Variants in MPZ observed in about 807,000 individuals in gnomAD.
MPZ encodes myelin protein zero.
Under a neutral mutation model 27.9 loss-of-function variants are expected in MPZ, and 13 were observed. The ratio of observed to expected loss-of-function variants is 0.47; its 90% CI spans 0.30 to 0.74. The LOEUF is 0.74. Among genes scored for constraint, MPZ ranks in the 30% least tolerant of loss-of-function variants. MPZ has a pLI of 0.06. For synonymous variants in MPZ, 118 were observed against 128.9 expected, an observed-to-expected ratio of 0.92 and a Z score of 0.57; for missense variants, 256 against 317.5, an observed-to-expected ratio of 0.81 and a Z score of 1.47.
At chr1:161,306,300 G>A (rs757467374) in intron 4 of MPZ, 29 bp downstream of exon 4, 3 of 1,613,906 alleles carry the variant, frequency 1.9e-6, no homozygotes, top group Non-Finnish European at 2.5e-6. Flanking sequence ...GTGGGGAGAG[G>A]GGGAGGGGAG....
chr1:161,307,037 A>AAAAAAAAAAAAAC, intron 2 of MPZ, 116 bp from the exon 3 acceptor site: 1 of 920,674 alleles, frequency 1.1e-6, no homozygotes, highest in Non-Finnish European at 1.6e-6. Context: ...AAAAAAAAAA[A>AAAAAAAAAAAAAC]AGCTTCGCTC....
At position 161,306,402 on chromosome 1, in the gene MPZ, A is replaced by T. The variant is rs768385737; in HGVS notation, c.511T>A (p.Leu171Met). ...VIGGVLGVVL[L>M]LLLLFYVVRY... Reference sequence around the variant, plus strand: ...ACCACGTAGAAAAGCAGCAGCAGCAACAGCACCACCCCGAGGACACCCCCG... The same window carrying T: ...ACCACGTAGAAAAGCAGCAGCAGCATCAGCACCACCCCGAGGACACCCCCG... The change falls in exon 4 of 6, where the codon TTG becomes ATG. Residue 171 changes from leucine (L) to methionine (M), a missense_variant. Leu to Met is a conservative substitution (Grantham distance 15, BLOSUM62 2). This residue lies in a region of MPZ where 155 missense variants were observed against 223.9 expected (regional missense o/e 0.69). Coordinates refer to ENST00000533357, the MANE Select transcript of MPZ (RefSeq NM_000530.8). 10 of 1,614,060 alleles carry T rather than the reference A, an allele frequency of 6.2e-6. No homozygotes were observed. Among genetic ancestry groups the T allele is most frequent in the Non-Finnish European group, 8.5e-6 (10 of 1,180,042 alleles).
chr1:161,305,669 G>A lies in MPZ; in HGVS notation c.*207C>T. 1 of 591,750 alleles carries A rather than the reference G, an allele frequency of 1.7e-6. No homozygotes were observed. 36.7% of individuals were successfully genotyped at this position (591,750 alleles called of 1,614,324 possible). A position where few individuals can be genotyped will look rare whatever the true frequency, so the allele number is the denominator to read the frequency against. ...TCCCCCTGCTCTGGCAGGGCCTGGG[G>A]TGGGGGGGTGGCGATCACTTGTCCG... is the stretch of plus-strand genomic sequence containing the variant. On this transcript the variant is annotated 3_prime_UTR_variant, in exon 6 of 6. Coordinates refer to ENST00000533357, the MANE Select transcript of MPZ (RefSeq NM_000530.8).
At position 161,309,552 on chromosome 1, in the gene MPZ, A is replaced by ATATATATATATTTTTTTT; in HGVS notation, c.67+286_67+287insAAAAAAAATATATATATA. Among the ~76,000 whole-genome samples the ATATATATATATTTTTTTT allele has an allele frequency of 2.2e-3, 177 of 80,568 alleles. 4 individuals carry two copies. Among genetic ancestry groups the ATATATATATATTTTTTTT allele is most frequent in the African/African-American group, 9.9e-3 (171 of 17,260 alleles). 52.9% of individuals were successfully genotyped at this position (80,568 alleles called of 152,430 possible). On this transcript the variant is annotated intron_variant, in intron 1 of 5. Transcript: ENST00000533357. The stretch of plus-strand genomic sequence containing the variant: ...TTTCTTTTCATATATATATATATAT[A>ATATATATATATTTTTTTT]TTTTTTTTTTTTTTGAATTTTACAG...
rs539491256 is a variant in MPZ at position 161,309,901 on chromosome 1, G to C, written c.5C>G (p.Ala2Gly). M[A>G]PGAPSSSPSP... is the part of the protein sequence containing the mutation. ...GGGGCTGGATGAGGGAGCCCCAGGA[G>C]CCATAGCTGGGGCAGGGGCAGGGGC... is the stretch of plus-strand genomic sequence containing the variant. Residue 2 changes from alanine (A) to glycine (G), a missense_variant, in exon 1 of 6, where the codon GCT becomes GGT. Ala to Gly is a moderately conservative substitution (Grantham distance 60, BLOSUM62 0). Around this residue, in one of 2 missense-constraint regions of MPZ, gnomAD observed 155 missense variants for 223.9 expected, o/e 0.69. Coordinates refer to ENST00000533357, the MANE Select transcript of MPZ (RefSeq NM_000530.8). 2 of 1,587,450 alleles carry C rather than the reference G, an allele frequency of 1.3e-6. No individual in the cohort carries two copies. The highest frequency in any genetic ancestry group is 1.3e-5 in the African/African-American group (1 of 74,812).
At chr1:161,309,601 G>A (rs1670353895) in intron 1 of MPZ, among the ~76,000 whole-genome samples, 1 of 132,942 alleles carries the variant, frequency 7.5e-6, no homozygotes, top group South Asian at 2.4e-4. Flanking sequence ...ATGTTGTCCA[G>A]GCTGGTCTCC....
Position 161,305,541 on chromosome 1 carries a change from A to C in MPZ, c.*335T>G. 3.7e-4 allele frequency: 111 copies of C among 297,822 alleles called. No individual in the cohort carries two copies. The highest frequency in any genetic ancestry group is 9.1e-4 in the East Asian group (12 of 13,116). The allele number at this position is 297,822 out of a possible 1,614,324, so 18.4% of individuals were successfully genotyped here. ...GGGGGAGAATACAATTGCCTGGGGA[A>C]TGAATTCTGGAATGAAACTTACATC... On this transcript the variant is annotated 3_prime_UTR_variant, in exon 6 of 6. Coordinates refer to ENST00000533357, the MANE Select transcript of MPZ (RefSeq NM_000530.8).
intron 1 of MPZ, among the ~76,000 whole-genome samples, chr1:161,309,261 ACT>A (rs1423291646): frequency 1.3e-5 from 2 of 151,954 alleles, no homozygotes; most frequent in Admixed American, 1.3e-4. Flanking sequence ...CTTAGATCGC[ACT>A]CTCTTTTTCC....
At chr1:161,304,659 T>C (rs1296950299), downstream of MPZ, 1 of 152,706 alleles carries the variant, frequency 6.5e-6, no homozygotes, top group African/African-American at 2.4e-5. Flanking sequence ...TGAAGCCAAG[T>C]ATGGAAGGTT....
At position 161,305,032 on chromosome 1, in the gene MPZ, A is replaced by T. The variant is rs1201730167; in HGVS notation, c.*844T>A. ...ACAGTGCTCCAAAGTGGTCAGGGGG[A>T]ACCAATGCTATACTGAAGTGTGAGG... On this transcript the variant is annotated 3_prime_UTR_variant, in exon 6 of 6. Coordinates refer to ENST00000533357, the MANE Select transcript of MPZ (RefSeq NM_000530.8). 3 of 152,398 alleles carry T rather than the reference A, an allele frequency of 2.0e-5. No individual in the cohort carries two copies. The East Asian group carries it at 5.6e-4, about 29-fold the overall frequency. The allele number at this position is 152,398 out of a possible 1,614,324, so 9.4% of individuals were successfully genotyped here.
At chr1:161,307,590 G>A in intron 1 of MPZ, 166 bp from the exon 2 acceptor site, 2 of 664,272 alleles carry the variant, frequency 3.0e-6, no homozygotes, top group South Asian at 1.8e-5. Flanking sequence ...CTGAACAGAT[G>A]AGCATAAATG....
chr1:161,303,988 G>GT (rs1213535055), downstream of MPZ, among the ~76,000 whole-genome samples: 1 of 152,030 alleles, frequency 6.6e-6, no homozygotes, highest in African/African-American at 2.4e-5. Flanking sequence ...GGCACTTTGG[G>GT]TTTTTTTGTG....
intron 2 of MPZ, 34 bp from the exon 3 acceptor site, chr1:161,306,955 C>T: frequency 6.8e-7 from 1 of 1,460,916 alleles, no homozygotes; most frequent in East Asian, 2.3e-5. Flanking sequence ...GTGAGAGGAC[C>T]CTAATGAGAA....
At position 161,306,743 on chromosome 1, in the gene MPZ, T is replaced by G; in HGVS notation, c.413A>C (p.Lys138Thr). The G allele has an allele frequency of 6.2e-7, 1 of 1,614,122 alleles. No homozygotes were observed. The highest frequency in any genetic ancestry group is 8.5e-7 in the Non-Finnish European group (1 of 1,180,028). ...GACATACAGCGTGACCTGAGAGGTC[T>G]TGCCCACTATGTCTGGAGGGTTTTT... ...DVKNPPDIVGKTSQVTLYVFE... is the reference protein window; with the variant it reads ...DVKNPPDIVGTTSQVTLYVFE... The change falls in exon 3 of 6, where the codon AAG (lysine) becomes ACG (threonine). Residue 138 changes from lysine to threonine, a missense_variant. Physicochemically the swap from Lys to Thr is moderately conservative, Grantham distance 78 (BLOSUM62 -1). This residue lies in a region of MPZ where 155 missense variants were observed against 223.9 expected (regional missense o/e 0.69). Transcript: ENST00000533357.
At chr1:161,309,552 A>ATATTTTTTTTTTTTTTTTTTTTTTTT in intron 1 of MPZ, among the ~76,000 whole-genome samples, 2 of 80,666 alleles carry the variant, frequency 2.5e-5, no homozygotes, top group Admixed American at 1.3e-4. Context: ...ATATATATAT[A>ATATTTTTTTTTTTTTTTTTTTTTTTT]TTTTTTTTTT....
At chr1:161,307,203 T>C (rs1670281050) in intron 2 of MPZ, 55 bp downstream of exon 2, 2 of 1,609,242 alleles carry the variant, frequency 1.2e-6, no homozygotes, top group Non-Finnish European at 1.7e-6. Flanking sequence ...ATCTTTTTTG[T>C]TGTTCTTTGA....
At chr1:161,307,540 A>T in intron 1 of MPZ, 116 bp from the exon 2 acceptor site, 1 of 1,163,022 alleles carries the variant, frequency 8.6e-7, no homozygotes, top group Non-Finnish European at 1.3e-6. Flanking sequence ...AATTTGGAAA[A>T]GAAACAACAA....
chr1:161,305,851 G>T lies in MPZ; in HGVS notation c.*25C>A. 1 of 692,082 alleles carries T rather than the reference G, an allele frequency of 1.4e-6. No homozygotes were observed. The highest frequency in any genetic ancestry group is 2.5e-6 in the Non-Finnish European group (1 of 403,666). 42.9% of individuals were successfully genotyped at this position (692,082 alleles called of 1,614,324 possible). A position where few individuals can be genotyped will look rare whatever the true frequency, so the allele number is the denominator to read the frequency against. On this transcript the variant is annotated 3_prime_UTR_variant, in exon 6 of 6. Coordinates refer to ENST00000533357, the MANE Select transcript of MPZ (RefSeq NM_000530.8). ...TTGGCGGACTCCACCCCTAACCCCCGATCCCCCGCCCGGCCCGCTAACCGC... is the reference window on the plus strand; with the variant it reads ...TTGGCGGACTCCACCCCTAACCCCCTATCCCCCGCCCGGCCCGCTAACCGC...
chr1:161,309,846 A>C lies in MPZ; in HGVS notation c.60T>G (p.Ser20=). The C allele has an allele frequency of 1.3e-6, 2 of 1,582,974 alleles. No individual in the cohort carries two copies. Among genetic ancestry groups the C allele is most frequent in the Middle Eastern group, 1.7e-4 (1 of 6,004 alleles). ...TAGAGTGGCTCCACTTACCCAAAGA[A>C]GAGAAGAGCAGCACAGCCAGGATAG... is the stretch of plus-strand genomic sequence containing the variant. The part of the protein sequence containing the change: ...PSPILAVLLF[S]SLVLSPAQAI... Residue 20 remains serine, a synonymous_variant, in exon 1 of 6, where the codon TCT becomes TCG. Coordinates refer to ENST00000533357, the MANE Select transcript of MPZ (RefSeq NM_000530.8).
Sources: gnomAD v4.1 joint callset for allele counts (sites outside exome capture counted in the v4.1 genomes callset) on GRCh38, gnomAD v4.1.1 for gene constraint, gnomAD v4.1.1 regional missense constraint, MANE v1.5 for transcripts, NCBI Gene and HGNC (gene_info 2026-07-23, HGNC 2026-07-21) for gene names.